Variants in PXDNL observed in about 807,000 individuals in gnomAD.
PXDNL encodes the protein probable oxidoreductase PXDNL.
A neutral mutation model predicts 150.8 loss-of-function variants in PXDNL; 145 were observed. The observed-to-expected ratio is 0.96, with a 90% CI of 0.84 to 1.10. The LOEUF (loss-of-function observed/expected upper bound fraction) is 1.10, where lower values mean the gene tolerates loss of function less well. Among genes scored for constraint, PXDNL ranks in the 50% least tolerant of loss-of-function variants. PXDNL has a pLI of 0.00. For missense variants in PXDNL, 2,087 were observed against 1,873.9 expected (o/e 1.11, Z -2.10); for synonymous variants, 757 against 725.7 (o/e 1.04, Z -0.69).
intron 12 of PXDNL, among the ~76,000 whole-genome samples, chr8:51,442,828 T>A (rs1809582249): frequency 1.3e-5 from 2 of 151,862 alleles, no homozygotes; most frequent in South Asian, 4.2e-4. Context: ...TTTTTTATTT[T>A]TAATTAATTC....
chr8:51,466,683 TAAAC>T (rs1810211486), intron 8 of PXDNL, among the ~76,000 whole-genome samples: 1 of 152,008 alleles, frequency 6.6e-6, no homozygotes, highest in Non-Finnish European at 1.5e-5. Flanking sequence ...ACAAGGAACT[TAAAC>T]AAATCAACAA....
chr8:51,595,558 T>C (rs902240420), intron 2 of PXDNL, among the ~76,000 whole-genome samples: 1 of 152,168 alleles, frequency 6.6e-6, no homozygotes, highest in African/African-American at 2.4e-5. Context: ...GTTATGGTTA[T>C]GCTTATTTTC....
Position 51,409,009 on chromosome 8 carries a change from C to A in PXDNL, c.2615G>T (p.Gly872Val). The A allele has an allele frequency of 3.1e-6, 5 of 1,611,132 alleles. No individual in the cohort carries two copies. Among genetic ancestry groups the A allele is most frequent in the Non-Finnish European group, 4.2e-6 (5 of 1,179,848 alleles). ...FARSSPACAS[G>V]RPSATVDSVY... ...TGAATCCACCGTCGCAGAGGGACGG[C>A]CGCTGGCACACGCGGGGCTGGAGCG... The change falls in exon 17 of 23, where the codon GGC becomes GTC. Residue 872 changes from glycine to valine, a missense_variant. Coordinates refer to ENST00000356297, the MANE Select transcript of PXDNL (RefSeq NM_144651.5).
At chr8:51,727,866 G>T (rs546767131) in intron 1 of PXDNL, among the ~76,000 whole-genome samples, 2 of 152,170 alleles carry the variant, frequency 1.3e-5, no homozygotes, top group Non-Finnish European at 2.9e-5. Flanking sequence ...TGCCGGTTTT[G>T]ACTGCTCCCA....
At chr8:51,558,120 AC>A (rs1812634356) in intron 3 of PXDNL, among the ~76,000 whole-genome samples, 1 of 152,126 alleles carries the variant, frequency 6.6e-6, no homozygotes, top group South Asian at 2.1e-4. Flanking sequence ...CTCAAAACTC[AC>A]TAGTGGTTCT....
At chr8:51,392,605 A>G (rs949110833) in intron 17 of PXDNL, among the ~76,000 whole-genome samples, 1 of 152,194 alleles carries the variant, frequency 6.6e-6, no homozygotes, top group Non-Finnish European at 1.5e-5. Context: ...CTGAGACTTC[A>G]CTGAAGTTGC....
chr8:51,609,533 G>T (rs1318936200), intron 2 of PXDNL, among the ~76,000 whole-genome samples: 2 of 152,168 alleles, frequency 1.3e-5, no homozygotes, highest in East Asian at 1.9e-4. Flanking sequence ...TGGGAACCAG[G>T]TAGTTAAAGT....
Position 51,619,822 on chromosome 8 carries a change from G to A in PXDNL, c.237-27124C>T, listed in dbSNP as rs533944859. Among the ~76,000 whole-genome samples, 25 of 152,150 alleles carry A rather than the reference G, an allele frequency of 1.6e-4. No individual in the cohort carries two copies. In the South Asian group the frequency reaches 4.6e-3, roughly 28 times the overall value. ...AGTGCAAGAACAAACTAATACACTG[G>A]GTTTTCTCACTCCGTCTGTTAGCAT... is the stretch of plus-strand genomic sequence containing the variant. On this transcript the variant is annotated intron_variant, in intron 2 of 22. Coordinates refer to ENST00000356297, the MANE Select transcript of PXDNL (RefSeq NM_144651.5).
intron 4 of PXDNL, among the ~76,000 whole-genome samples, chr8:51,552,106 C>T (rs1368149616): frequency 6.6e-6 from 1 of 152,082 alleles, no homozygotes; most frequent in Admixed American, 6.5e-5. Flanking sequence ...CAGGAAAATG[C>T]AAATCAAAAC....
At chr8:51,372,987 A>T (rs1259712766) in intron 18 of PXDNL, among the ~76,000 whole-genome samples, 1 of 152,222 alleles carries the variant, frequency 6.6e-6, no homozygotes, top group Non-Finnish European at 1.5e-5. Context: ...AGTATAGAGC[A>T]GGAAATTAAG....
chr8:51,562,724 C>T (rs1312981474), intron 3 of PXDNL, among the ~76,000 whole-genome samples: 1 of 151,904 alleles, frequency 6.6e-6, no homozygotes, highest in Non-Finnish European at 1.5e-5. Context: ...ACCCTCATTT[C>T]CTGATGGTTG....
At chr8:51,626,783 T>C (rs6981246) in intron 2 of PXDNL, among the ~76,000 whole-genome samples, 14,887 of 152,210 alleles carry the variant, frequency 0.098, 869 homozygotes, top group East Asian at 0.14. Context: ...AGTAAAATAT[T>C]AATATAACTT....
At chr8:51,426,907 A>G in intron 12 of PXDNL, 149 bp from the exon 13 acceptor site, 1 of 574,218 alleles carries the variant, frequency 1.7e-6, no homozygotes, top group Non-Finnish European at 3.1e-6. Flanking sequence ...TAGGGGAATA[A>G]CAAGCATCAC....
At chr8:51,773,783 G>T (rs2037324249) in intron 1 of PXDNL, among the ~76,000 whole-genome samples, 1 of 152,178 alleles carries the variant, frequency 6.6e-6, no homozygotes. Context: ...CCTTAATTAA[G>T]CATATACAAT....
chr8:51,591,545 ATAAT>A (rs1293668870), intron 3 of PXDNL, among the ~76,000 whole-genome samples: 4 of 135,212 alleles, frequency 3.0e-5, no homozygotes, highest in Middle Eastern at 8.1e-3. Flanking sequence ...CTTTAAGAGA[ATAAT>A]TAACTTTTTA....
chr8:51,344,534 G>A (rs908458811), intron 20 of PXDNL, among the ~76,000 whole-genome samples: 1 of 152,030 alleles, frequency 6.6e-6, no homozygotes, highest in East Asian at 1.9e-4. Context: ...CTGTCTACCC[G>A]GTCAAAGGGC....
At chr8:51,725,567 G>A (rs142552413) in intron 1 of PXDNL, among the ~76,000 whole-genome samples, 188 of 152,220 alleles carry the variant, frequency 1.2e-3, no homozygotes, top group African/African-American at 4.2e-3. Context: ...TCCCGGGAGC[G>A]TTGTCCTGGC....
intron 2 of PXDNL, among the ~76,000 whole-genome samples, chr8:51,608,054 A>AAAGAAAGAAAGAAAGAAAGCAAGC (rs1554557536): frequency 1.4e-4 from 16 of 111,594 alleles, no homozygotes; most frequent in South Asian, 2.8e-4. Context: ...AGAAAGAAAG[A>AAAGAAAGAAAGAAAGAAAGCAAGC]AAGCAAGCAA....
chr8:51,403,220 TAATA>T (rs755045919), intron 17 of PXDNL, among the ~76,000 whole-genome samples: 7 of 150,756 alleles, frequency 4.6e-5, no homozygotes, highest in Non-Finnish European at 1.0e-4. Flanking sequence ...CTTTAAAAAA[TAATA>T]AAACACTTTT....
Sources: allele counts gnomAD v4.1 joint callset (sites outside exome capture counted in the v4.1 genomes callset), GRCh38; gene constraint gnomAD v4.1.1; transcripts MANE v1.5; gene names NCBI Gene and HGNC (gene_info 2026-07-23, HGNC 2026-07-21).